Variants in ERBB4 observed in about 807,000 individuals in gnomAD.
ERBB4 encodes the protein receptor tyrosine-protein kinase erbB-4.
Under a neutral mutation model 158.0 loss-of-function variants are expected in ERBB4, and 42 were observed. That is an observed-to-expected ratio of 0.27 (90% CI 0.21 to 0.34). The LOEUF (loss-of-function observed/expected upper bound fraction) is 0.34, where lower values mean the gene tolerates loss of function less well. Ranked by LOEUF, ERBB4 falls within the 10% of genes least tolerant of loss-of-function variation. The probability of loss-of-function intolerance (pLI) is 1.00; values close to 1 mark genes in which losing one functional copy is unlikely to be tolerated. For missense variants in ERBB4, 1,333 were observed against 1,624.1 expected, an observed-to-expected ratio of 0.82 and a Z score of 3.08; for synonymous variants, 583 against 558.7, an observed-to-expected ratio of 1.04 and a Z score of -0.61.
At chr2:211,553,733 G>T (rs1203611737) in intron 20 of ERBB4, among the ~76,000 whole-genome samples, 3 of 152,126 alleles carry the variant, frequency 2.0e-5, no homozygotes, top group Non-Finnish European at 4.4e-5. Context: ...ACTTATTAAA[G>T]TTCGCACAGT....
chr2:211,685,099 A>C (rs1016996100), intron 12 of ERBB4, among the ~76,000 whole-genome samples: 1 of 152,224 alleles, frequency 6.6e-6, no homozygotes, highest in African/African-American at 2.4e-5. Flanking sequence ...TTCTTATCTT[A>C]GGATATTTTA....
chr2:211,449,497 T>C (rs923092706), intron 20 of ERBB4, among the ~76,000 whole-genome samples: 1 of 152,184 alleles, frequency 6.6e-6, no homozygotes, highest in Non-Finnish European at 1.5e-5. Context: ...CTGCTGAGGA[T>C]AGTAGCTTAT....
intron 3 of ERBB4, among the ~76,000 whole-genome samples, chr2:211,840,165 C>T (rs2218106): frequency 6.6e-6 from 1 of 151,776 alleles, no homozygotes. Flanking sequence ...AGAATCATGG[C>T]GTGGGTCTTT....
chr2:211,872,696 T>C (rs552042806), intron 3 of ERBB4, among the ~76,000 whole-genome samples: 4 of 152,250 alleles, frequency 2.6e-5, no homozygotes, highest in East Asian at 1.9e-4. Flanking sequence ...ATAATTGTTG[T>C]GCATTTATTT....
At chr2:212,372,606 G>C (rs1331648009) in intron 1 of ERBB4, among the ~76,000 whole-genome samples, 2 of 152,062 alleles carry the variant, frequency 1.3e-5, no homozygotes, top group Non-Finnish European at 1.5e-5. Context: ...AAAATTAGCT[G>C]GGTGTGGTGG....
intron 3 of ERBB4, among the ~76,000 whole-genome samples, chr2:211,903,891 C>T (rs2079305043): frequency 6.6e-6 from 1 of 151,896 alleles, no homozygotes; most frequent in Admixed American, 6.6e-5. Flanking sequence ...CTGATATATC[C>T]TAGGGACATA....
intron 1 of ERBB4, among the ~76,000 whole-genome samples, chr2:212,369,353 AC>A (rs1458607115): frequency 6.6e-6 from 1 of 152,000 alleles, no homozygotes; most frequent in Non-Finnish European, 1.5e-5. Context: ...TATCTACCTG[AC>A]CCTGGTACGC....
intron 24 of ERBB4, 30 bp downstream of exon 24, chr2:211,421,977 G>A: frequency 7.1e-7 from 1 of 1,410,298 alleles, no homozygotes; most frequent in South Asian, 1.1e-5. Context: ...CATTGGCCTA[G>A]TCTTAAAGGC....
intron 1 of ERBB4, among the ~76,000 whole-genome samples, chr2:212,373,353 C>A (rs2090151542): frequency 1.3e-5 from 2 of 151,950 alleles, no homozygotes; most frequent in East Asian, 3.9e-4. Flanking sequence ...TATAACACCT[C>A]TTGTTAAATT....
At chr2:211,896,044 A>G (rs970770496) in intron 3 of ERBB4, among the ~76,000 whole-genome samples, 7 of 152,024 alleles carry the variant, frequency 4.6e-5, no homozygotes, top group African/African-American at 1.4e-4. Context: ...AAGGTCAGTC[A>G]CTGGATCCTT....
chr2:211,662,937 A>T (rs1364737949), intron 15 of ERBB4, among the ~76,000 whole-genome samples: 1 of 152,200 alleles, frequency 6.6e-6, no homozygotes, highest in East Asian at 1.9e-4. Context: ...TCCAAAGTAG[A>T]ACTGGCCTGG....
intron 3 of ERBB4, among the ~76,000 whole-genome samples, chr2:211,886,498 A>T (rs1301291014): frequency 5.3e-5 from 8 of 152,236 alleles, no homozygotes; most frequent in Admixed American, 3.3e-4. Context: ...CTAACTAAAA[A>T]TTTAAGAATT....
intron 1 of ERBB4, among the ~76,000 whole-genome samples, chr2:212,421,208 G>T (rs2091784415): frequency 6.6e-6 from 1 of 152,064 alleles, no homozygotes; most frequent in African/African-American, 2.4e-5. Flanking sequence ...AGACAATATT[G>T]CCTTCCCTAT....
intron 1 of ERBB4, among the ~76,000 whole-genome samples, chr2:212,425,634 AT>A (rs896872488): frequency 7.2e-5 from 11 of 151,848 alleles, no homozygotes; most frequent in African/African-American, 2.7e-4. Flanking sequence ...CATTTTTCAG[AT>A]CTTAGGAAAA....
chr2:212,431,785 C>T (rs2105942977), intron 1 of ERBB4, among the ~76,000 whole-genome samples: 1 of 152,282 alleles, frequency 6.6e-6, no homozygotes, highest in East Asian at 1.9e-4. Context: ...GATTAGTCTG[C>T]ACCATGCTTT....
chr2:212,429,193 C>G (rs1389072488), intron 1 of ERBB4: 1 of 152,150 alleles, frequency 6.6e-6, no homozygotes, highest in African/African-American at 2.4e-5. Flanking sequence ...AATGACCTTC[C>G]CTTGAAAGAC....
intron 15 of ERBB4, among the ~76,000 whole-genome samples, chr2:211,661,931 C>T (rs573852864): frequency 6.8e-4 from 99 of 145,872 alleles, no homozygotes; most frequent in Admixed American, 1.2e-3. Context: ...CCCAGCTACT[C>T]GGGAGGCTGA....
At chr2:211,628,150 G>T (rs933241659) in intron 17 of ERBB4, among the ~76,000 whole-genome samples, 2 of 134,620 alleles carry the variant, frequency 1.5e-5, no homozygotes, top group African/African-American at 5.3e-5. Context: ...TTCTAAATCT[G>T]CCACTGAGAT....
At chr2:211,746,870 A>T (rs1369569344) in intron 5 of ERBB4, among the ~76,000 whole-genome samples, 1 of 151,930 alleles carries the variant, frequency 6.6e-6, no homozygotes, top group Non-Finnish European at 1.5e-5. Flanking sequence ...ATATACTAGA[A>T]GAACATCGTG....
Sources: gnomAD v4.1 joint callset for allele counts (sites outside exome capture counted in the v4.1 genomes callset) on GRCh38, gnomAD v4.1.1 for gene constraint, MANE v1.5 for transcripts, NCBI Gene and HGNC (gene_info 2026-07-23, HGNC 2026-07-21) for gene names.